CTTNBP2: variants seen among roughly 807,000 people sequenced by gnomAD.
CTTNBP2 encodes cortactin-binding protein 2.
Under a neutral mutation model 156.9 loss-of-function variants are expected in CTTNBP2, and 108 were observed. The ratio of observed to expected loss-of-function variants is 0.69; its 90% CI spans 0.59 to 0.81. The LOEUF is 0.81. Among genes scored for constraint, CTTNBP2 ranks in the 30% least tolerant of loss-of-function variants. CTTNBP2 has a pLI of 0.00. For missense variants in CTTNBP2, 1,924 were observed against 2,035.4 expected (o/e 0.95, Z 1.05); for synonymous variants, 767 against 751.8 (o/e 1.02, Z -0.33).
intron 16 of CTTNBP2, among the ~76,000 whole-genome samples, chr7:117,730,594 T>G (rs1795346809): frequency 6.6e-6 from 1 of 152,180 alleles, no homozygotes; most frequent in African/African-American, 2.4e-5. Flanking sequence ...AACTAGGTAA[T>G]GTGTAAACTG....
chr7:117,730,779 T>C (rs1327672241), intron 16 of CTTNBP2, among the ~76,000 whole-genome samples: 1 of 150,734 alleles, frequency 6.6e-6, no homozygotes. Flanking sequence ...TAAATTTTCA[T>C]GGAAAGAGAA....
At chr7:117,790,231 T>G (rs1020145441) in intron 4 of CTTNBP2, among the ~76,000 whole-genome samples, 9 of 152,340 alleles carry the variant, frequency 5.9e-5, no homozygotes, top group South Asian at 2.1e-4. Context: ...GCATGGACTT[T>G]GCAGTTAGTC....
chr7:117,734,871 C>G (rs757657061), intron 16 of CTTNBP2, 42 bp downstream of exon 16: 2 of 1,493,708 alleles, frequency 1.3e-6, no homozygotes, highest in South Asian at 1.3e-5. Context: ...ACAACAAAAA[C>G]CCCTGCTCTC....
chr7:117,857,322 A>G (rs563472969), intron 2 of CTTNBP2, among the ~76,000 whole-genome samples: 107 of 152,316 alleles, frequency 7.0e-4, no homozygotes, highest in African/African-American at 2.5e-3. Context: ...TGGGCTTTTT[A>G]TACTAGGAAG....
intron 12 of CTTNBP2, among the ~76,000 whole-genome samples, chr7:117,756,113 G>C (rs1388037995): frequency 6.6e-6 from 1 of 152,290 alleles, no homozygotes; most frequent in African/African-American, 2.4e-5. Context: ...CTTCTATCCT[G>C]TTTAAGCTGT....
chr7:117,776,611 G>A (rs1798116508), intron 8 of CTTNBP2, among the ~76,000 whole-genome samples: 1 of 152,130 alleles, frequency 6.6e-6, no homozygotes, highest in South Asian at 2.1e-4. Flanking sequence ...CAGTGGTAAT[G>A]GTGAATTTAA....
At chr7:117,872,583 T>C (rs1465427109) in intron 1 of CTTNBP2, among the ~76,000 whole-genome samples, 1 of 152,078 alleles carries the variant, frequency 6.6e-6, no homozygotes, top group Non-Finnish European at 1.5e-5. Context: ...CAGTCAAGAA[T>C]GGTAGCGCAT....
rs746841156 is a variant in CTTNBP2 at position 117,728,257 on chromosome 7, T to C, written c.3887A>G (p.Gln1296Arg). The C allele has an allele frequency of 8.7e-6, 14 of 1,612,712 alleles. No homozygotes were observed. The Admixed American group carries it at 2.3e-4, about 27-fold the overall frequency. ...CACAGGATCGCAGGGGGAGGGCGCCTGACCTTTGAACTAGAGAGACAGGGA... is the reference window on the plus strand; with the variant it reads ...CACAGGATCGCAGGGGGAGGGCGCCCGACCTTTGAACTAGAGAGACAGGGA... ...RRKVVNKFKGQAPSPCDPVCK... is the reference protein window; with the variant it reads ...RRKVVNKFKGRAPSPCDPVCK... The change falls in exon 17 of 23, where the codon CAG becomes CGG. Residue 1296 changes from glutamine (Q) to arginine (R), a missense_variant. Physicochemically the swap from Gln to Arg is conservative, Grantham distance 43 (BLOSUM62 1). Transcript: ENST00000160373.
At chr7:117,743,452 G>A (rs1439513133) in intron 14 of CTTNBP2, among the ~76,000 whole-genome samples, 2 of 152,008 alleles carry the variant, frequency 1.3e-5, no homozygotes, top group Admixed American at 6.6e-5. Flanking sequence ...TTCTTGCTGT[G>A]GGATCTTTGA....
intron 2 of CTTNBP2, among the ~76,000 whole-genome samples, chr7:117,828,068 C>T (rs1366130208): frequency 1.3e-5 from 2 of 152,208 alleles, no homozygotes; most frequent in Non-Finnish European, 2.9e-5. Context: ...TTCTCACCAT[C>T]TACCAGCTGA....
chr7:117,734,716 T>C (rs760589755), intron 16 of CTTNBP2, among the ~76,000 whole-genome samples, 197 bp downstream of exon 16: 1 of 152,222 alleles, frequency 6.6e-6, no homozygotes, highest in African/African-American at 2.4e-5. Flanking sequence ...GTAAAACTAA[T>C]TTGCTTTTTC....
intron 11 of CTTNBP2, among the ~76,000 whole-genome samples, chr7:117,757,528 T>TAAAAAAAAAAA (rs56687697): frequency 4.4e-5 from 4 of 91,434 alleles, no homozygotes; most frequent in Admixed American, 1.3e-4. Flanking sequence ...TTAAGCACAG[T>TAAAAAAAAAAA]AAAAAAAAAA....
Position 117,718,008 on chromosome 7 carries a change from GGACACTTACCTTTTGT to G in CTTNBP2, c.4740_4746+9del, listed in dbSNP as rs1794544214. On this transcript the variant is annotated splice_donor_variant and splice_donor_5th_base_variant and coding_sequence_variant and intron_variant, in exon 22 of 23. Transcript: ENST00000160373. LOFTEE classifies it high-confidence loss of function. ...TCCTTTGTTCACTTTGGGGAGAAAGGGACACTTACCTTTTGTGACACTGGCATTCTCAGATTATTAA... is the reference window on the plus strand; with the variant it reads ...TCCTTTGTTCACTTTGGGGAGAAAGGGACACTGGCATTCTCAGATTATTAA... 3.3e-6 allele frequency: 5 copies of G among 1,537,328 alleles called. No individual in the cohort carries two copies. Among genetic ancestry groups the G allele is most frequent in the Non-Finnish European group, 4.5e-6 (5 of 1,110,504 alleles).
At chr7:117,809,362 T>C (rs1391123233) in intron 3 of CTTNBP2, among the ~76,000 whole-genome samples, 1 of 152,212 alleles carries the variant, frequency 6.6e-6, no homozygotes, top group Non-Finnish European at 1.5e-5. Flanking sequence ...TATAACACAA[T>C]ATAAAGTCCA....
Position 117,760,454 on chromosome 7 carries a change from G to A in CTTNBP2, c.3153C>T (p.Ser1051=), listed in dbSNP as rs755859748. The stretch of plus-strand genomic sequence containing the variant: ...TGATACCTAGCGTGATGGATCGTAT[G>A]CTTCTTGCACTGAGGCCGATGTTGG... ...TDSNIGLSAR[S]IRSITLGNVP... Residue 1051 remains serine, a synonymous_variant, in exon 10 of 23, where the codon AGC becomes AGT. Transcript: ENST00000160373. 1.4e-5 allele frequency: 22 copies of A among 1,613,890 alleles called. No individual in the cohort carries two copies. In the South Asian group the frequency reaches 2.4e-4, roughly 18 times the overall value.
intron 3 of CTTNBP2, among the ~76,000 whole-genome samples, chr7:117,796,066 T>G (rs1267469517): frequency 6.6e-6 from 1 of 152,158 alleles, no homozygotes; most frequent in African/African-American, 2.4e-5. Flanking sequence ...TCAAACTCAC[T>G]CACTTCCCCT....
chr7:117,769,032 C>T (rs539795044), intron 8 of CTTNBP2, among the ~76,000 whole-genome samples: 4 of 152,248 alleles, frequency 2.6e-5, no homozygotes, highest in South Asian at 2.1e-4. Context: ...GTGGTGTACA[C>T]GTTTGGTGTT....
At chr7:117,723,737 C>T (rs917077150) in intron 19 of CTTNBP2, among the ~76,000 whole-genome samples, 11 of 150,328 alleles carry the variant, frequency 7.3e-5, no homozygotes, top group Admixed American at 1.3e-4. Flanking sequence ...AATATAAACT[C>T]GATGACGGCA....
intron 10 of CTTNBP2, 160 bp from the exon 11 acceptor site, chr7:117,758,130 C>T (rs1055058362): frequency 3.5e-6 from 2 of 568,472 alleles, no homozygotes; most frequent in African/African-American, 3.8e-5. Context: ...AAGGGGTTAG[C>T]TCCCTAATGA....
Sources: gnomAD v4.1 joint callset for allele counts (sites outside exome capture counted in the v4.1 genomes callset) on GRCh38, gnomAD v4.1.1 for gene constraint, MANE v1.5 for transcripts, NCBI Gene and HGNC (gene_info 2026-07-23, HGNC 2026-07-21) for gene names.